Variants in DRP2 observed in about 807,000 individuals in gnomAD.
The protein encoded by DRP2 is dystrophin-related protein 2.
In DRP2, 29 loss-of-function variants were observed where a neutral mutation model predicts 78.2. The ratio of observed to expected loss-of-function variants is 0.37; its 90% CI spans 0.28 to 0.51. DRP2 has a LOEUF of 0.51. Ranked by LOEUF, DRP2 falls within the 20% of genes least tolerant of loss-of-function variation. The probability of loss-of-function intolerance (pLI) is 0.94; values close to 1 mark genes in which losing one functional copy is unlikely to be tolerated. For synonymous variants in DRP2, 290 were observed against 281.9 expected (o/e 1.03, Z -0.29); for missense variants, 686 against 770.6 (o/e 0.89, Z 1.30).
chrX:101,231,875 C>A, intron 3 of DRP2, 111 bp downstream of exon 3: 1 of 584,669 alleles, frequency 1.7e-6, no homozygotes, highest in South Asian at 2.8e-5. Context: ...TGTATACATG[C>A]AACCCCTTGG....
Position 101,254,532 on chromosome X carries a change from A to G in DRP2, c.2085A>G (p.Gln695=). The G allele has an allele frequency of 8.2e-7, 1 of 1,212,125 alleles. No individual in the cohort carries two copies. The highest frequency in any genetic ancestry group is 1.1e-6 in the Non-Finnish European group (1 of 895,581). Reference sequence around the variant, plus strand: ...CTCAGCGAGGTTATCTGCCTGTGCAATCAGTGCTGGAGGCTGACTACAGTG... The same window carrying G: ...CTCAGCGAGGTTATCTGCCTGTGCAGTCAGTGCTGGAGGCTGACTACAGTG... ...KHPQRGYLPV[Q]SVLEADYSET... Residue 695 remains glutamine, a synonymous_variant, in exon 18 of 24, where the codon CAA becomes CAG. Transcript: ENST00000395209.
chrX:101,248,289 A>T lies in DRP2; in HGVS notation c.1453A>T (p.Ser485Cys), dbSNP rs1259266636. 1 of 1,207,495 alleles carries T rather than the reference A, an allele frequency of 8.3e-7. No homozygotes were observed. The highest frequency in any genetic ancestry group is 1.8e-5 in the African/African-American group (1 of 56,997). Residue 485 changes from serine (S) to cysteine (C), a missense_variant and splice_region_variant, in exon 13 of 24, where the codon AGT becomes TGT. This residue lies in a region of DRP2 where 423 missense variants were observed against 531.5 expected (regional missense o/e 0.80). Transcript: ENST00000395209. ...SLNWLLNVFD[S>C]GRSGKMRALS... ...CAATTGGCTCCTCAATGTTTTTGATAGGTAAGGGCTTTCAGCTCTGGAAGC... is the reference window on the plus strand; with the variant it reads ...CAATTGGCTCCTCAATGTTTTTGATTGGTAAGGGCTTTCAGCTCTGGAAGC...
intron 2 of DRP2, among the ~76,000 whole-genome samples, chrX:101,227,788 T>TTAGGA (rs1036227753): frequency 1.8e-5 from 2 of 112,028 alleles, no homozygotes; most frequent in African/African-American, 6.5e-5. Context: ...TCTGCCTGTG[T>TTAGGA]TAGGATTAGA....
chrX:101,258,486 C>T lies in DRP2; in HGVS notation c.2568C>T (p.Leu856=), dbSNP rs145603904. The change falls in exon 22 of 24, where the codon CTC becomes CTT. Residue 856 remains leucine, a synonymous_variant. Coordinates refer to ENST00000395209, the MANE Select transcript of DRP2 (RefSeq NM_001939.3). ...KSRLETRMQI[L]EDHNKQLESQ... ...GCCTGGAGACGCGCATGCAGATCCT[C>T]GAAGATCACAACAAGCAGCTAGAGT... 1.2e-3 allele frequency: 1,401 copies of T among 1,192,433 alleles called. 2 individuals carry two copies. The highest frequency in any genetic ancestry group is 1.4e-3 in the Non-Finnish European group (1,280 of 886,085).
chrX:101,234,292 T>C lies in DRP2; in HGVS notation c.118-1568T>C, dbSNP rs772032550. On this transcript the variant is annotated intron_variant, in intron 3 of 23. Transcript: ENST00000395209. ...GTCTTCCATGGAAAGGGAAAATAAA[T>C]CAACAGAAGCTGCCCTCTGCATGCC... 3.6e-5 allele frequency among the ~76,000 whole-genome samples: 4 copies of C among 112,520 alleles called. No individual in the cohort carries two copies. The East Asian group carries it at 8.5e-4, about 24-fold the overall frequency.
At chrX:101,242,273 G>A in intron 7 of DRP2, 52 bp from the exon 8 acceptor site, 1 of 1,189,416 alleles carries the variant, frequency 8.4e-7, no homozygotes, top group Admixed American at 2.3e-5. Flanking sequence ...AATGACTAAT[G>A]TTTCTTCTTT....
intron 6 of DRP2, 122 bp downstream of exon 6, chrX:101,239,223 C>A: frequency 1.1e-6 from 1 of 929,488 alleles, no homozygotes. Context: ...ATAGTTTCCC[C>A]CAGGAGTCCA....
intron 2 of DRP2, among the ~76,000 whole-genome samples, chrX:101,229,737 G>T (rs181432661): frequency 1.8e-5 from 2 of 111,297 alleles, no homozygotes; most frequent in East Asian, 5.6e-4. Flanking sequence ...CAGGGTTTGT[G>T]TGTCTTTGCC....
intron 2 of DRP2, among the ~76,000 whole-genome samples, chrX:101,229,763 T>C (rs1264999073): frequency 9.0e-6 from 1 of 111,394 alleles, no homozygotes; most frequent in Admixed American, 9.6e-5. Context: ...CTAAAAGAGA[T>C]CACCTTATTA....
chrX:101,235,073 A>G (rs1402368261), intron 3 of DRP2, among the ~76,000 whole-genome samples: 1 of 110,349 alleles, frequency 9.1e-6, no homozygotes, highest in Non-Finnish European at 1.9e-5. Flanking sequence ...TACCTTCCTT[A>G]GGGCTATCCG....
At chrX:101,234,176 A>G (rs1308077086) in intron 3 of DRP2, among the ~76,000 whole-genome samples, 2 of 112,816 alleles carry the variant, frequency 1.8e-5, no homozygotes, top group Non-Finnish European at 3.8e-5. Context: ...TCTTAGGGAA[A>G]TTGCTTACCA....
intron 2 of DRP2, among the ~76,000 whole-genome samples, chrX:101,230,085 C>T (rs1922249171): frequency 8.9e-6 from 1 of 112,102 alleles, no homozygotes. Flanking sequence ...ATCATCAAGC[C>T]CAGTGTATTT....
chrX:101,226,042 A>T (rs1374779291), intron 2 of DRP2, among the ~76,000 whole-genome samples: 1 of 111,525 alleles, frequency 9.0e-6, no homozygotes, highest in East Asian at 2.8e-4. Flanking sequence ...TTCCAAAGAT[A>T]TTTTTTTGCA....
Position 101,221,546 on chromosome X carries a change from T to G in DRP2, c.-167+1400T>G, listed in dbSNP as rs188518027. On this transcript the variant is annotated intron_variant, in intron 1 of 23. Transcript: ENST00000395209. ...AGTCTTGCTTTCTGTAAACCATTGC[T>G]GGGGGATGAAGGCACATGGAAAGAA... Among the ~76,000 whole-genome samples the G allele has an allele frequency of 2.4e-3, 275 of 112,579 alleles. 5 individuals are homozygous for G. Among genetic ancestry groups the G allele is most frequent in the South Asian group, 3.0e-3 (8 of 2,690 alleles).
chrX:101,233,177 G>A (rs1479635534), intron 3 of DRP2, among the ~76,000 whole-genome samples: 1 of 112,030 alleles, frequency 8.9e-6, no homozygotes, highest in Non-Finnish European at 1.9e-5. Context: ...TAGTATGGCA[G>A]CTGGGTGGGG....
intron 1 of DRP2, among the ~76,000 whole-genome samples, chrX:101,224,186 T>TTTTTTTTTG (rs1569507488): frequency 2.0e-4 from 14 of 70,309 alleles, no homozygotes; most frequent in African/African-American, 9.1e-4. Flanking sequence ...TGCTGGGTTT[T>TTTTTTTTTG]TTTTGTTTTT....
chrX:101,246,149 G>C (rs189652279), intron 11 of DRP2, among the ~76,000 whole-genome samples: 1 of 112,394 alleles, frequency 8.9e-6, no homozygotes, highest in East Asian at 2.8e-4. Flanking sequence ...GAGGGAATGA[G>C]TGCCTCATCG....
At chrX:101,240,498 G>C (rs375478222) in intron 6 of DRP2, among the ~76,000 whole-genome samples, 242 of 112,570 alleles carry the variant, frequency 2.1e-3, no homozygotes, top group African/African-American at 7.1e-3. Flanking sequence ...GCCTCCTGAA[G>C]TGTTGGGATT....
rs149010325 is a variant in DRP2, at chrX:101,234,045, G to T, written c.118-1815G>T. On this transcript the variant is annotated intron_variant, in intron 3 of 23. Transcript: ENST00000395209. ...CATTTAGAGGGATTCTGCTGCGCCT[G>T]CTTGCCGATGCTGCCATCCCATGGC... is the stretch of plus-strand genomic sequence containing the variant. Among the ~76,000 whole-genome samples the T allele has an allele frequency of 1.1e-3, 125 of 111,836 alleles. No homozygotes were observed. In the Middle Eastern group the frequency reaches 0.019, roughly 17 times the overall value.
Sources: gnomAD v4.1 joint callset for allele counts (sites outside exome capture counted in the v4.1 genomes callset) on GRCh38, gnomAD v4.1.1 for gene constraint, gnomAD v4.1.1 regional missense constraint, MANE v1.5 for transcripts, NCBI Gene and HGNC (gene_info 2026-07-23, HGNC 2026-07-21) for gene names.